OR10G3: variants seen among roughly 807,000 people sequenced by gnomAD.
OR10G3 encodes the protein olfactory receptor 10G3.
In OR10G3, 8 loss-of-function variants were observed where a neutral mutation model predicts 13.4. That is an observed-to-expected ratio of 0.60 (90% confidence interval 0.35 to 1.08). The LOEUF is 1.08. OR10G3 is among the 50% of genes least tolerant of loss of function. The probability of loss-of-function intolerance (pLI) is 0.02; values close to 1 mark genes in which losing one functional copy is unlikely to be tolerated. For synonymous variants in OR10G3, 142 were observed against 156.1 expected (o/e 0.91, Z 0.67); for missense variants, 393 against 386.6 (o/e 1.02, Z -0.14).
chr14:21,579,035 G>A (rs1443234825), intron 1 of OR10G3, among the ~76,000 whole-genome samples: 2 of 152,280 alleles, frequency 1.3e-5, no homozygotes, highest in East Asian at 3.9e-4. Context: ...TCTTATAGGT[G>A]GAAGGGACCT....
intron 1 of OR10G3, among the ~76,000 whole-genome samples, chr14:21,579,018 GA>G (rs1876826439): frequency 6.6e-6 from 1 of 152,184 alleles, no homozygotes; most frequent in Non-Finnish European, 1.5e-5. Flanking sequence ...TTTGGGCAGA[GA>G]ACTTGTCTTA....
chr14:21,577,129 C>A (rs1344214753), intron 1 of OR10G3, among the ~76,000 whole-genome samples: 1 of 152,082 alleles, frequency 6.6e-6, no homozygotes, highest in Non-Finnish European at 1.5e-5. Context: ...CTCTCTGGCT[C>A]ATTAATATCC....
At chr14:21,574,978 G>A (rs1893111474) in intron 1 of OR10G3, 1 of 152,128 alleles carries the variant, frequency 6.6e-6, no homozygotes, top group Non-Finnish European at 1.5e-5. Context: ...CAACTCCTCT[G>A]GGTTTCAATT....
intron 1 of OR10G3, among the ~76,000 whole-genome samples, chr14:21,573,073 G>T (rs1053147568): frequency 6.6e-6 from 1 of 152,164 alleles, no homozygotes; most frequent in African/African-American, 2.4e-5. Context: ...ACCTGAAATT[G>T]TAAAACTACT....
intron 1 of OR10G3, among the ~76,000 whole-genome samples, chr14:21,576,512 T>C (rs1266841173): frequency 1.3e-5 from 2 of 152,236 alleles, no homozygotes; most frequent in African/African-American, 4.8e-5. Context: ...AGTTATCTTT[T>C]TCCCTTGGGC....
intron 1 of OR10G3, among the ~76,000 whole-genome samples, chr14:21,575,595 G>T (rs559557424): frequency 1.3e-5 from 2 of 151,560 alleles, no homozygotes; most frequent in Admixed American, 1.3e-4. Flanking sequence ...TGGCCAAGCT[G>T]GTCTCGAACC....
chr14:21,574,734 G>A (rs928941846), intron 1 of OR10G3: 6 of 152,098 alleles, frequency 3.9e-5, no homozygotes, highest in Non-Finnish European at 8.8e-5. Context: ...GATTGCTTAA[G>A]CCCAGGAGTT....
At chr14:21,571,362 A>G (rs1893067301) in intron 1 of OR10G3, among the ~76,000 whole-genome samples, 1 of 152,232 alleles carries the variant, frequency 6.6e-6, no homozygotes, top group African/African-American at 2.4e-5. Context: ...TCTACTTTCC[A>G]AGTTCTTTAC....
intron 1 of OR10G3, among the ~76,000 whole-genome samples, chr14:21,573,523 T>A (rs1045760235): frequency 6.6e-6 from 1 of 151,270 alleles, no homozygotes; most frequent in African/African-American, 2.4e-5. Flanking sequence ...AATAAAAAAA[T>A]TAGCCCAGTG....
At position 21,570,566 on chromosome 14, in the gene OR10G3, A is replaced by G. The variant is rs1237889512; in HGVS notation, c.179T>C (p.Met60Thr). 2 of 1,614,190 alleles carry G rather than the reference A, an allele frequency of 1.2e-6. No homozygotes were observed. The highest frequency in any genetic ancestry group is 2.7e-5 in the African/African-American group (2 of 75,046). ...TGAGAGAACACCAAGAAAGATGTAC[A>G]TGGGGCGGGCATGGAGCCTTGGGTC... ...WADPRLHARP[M>T]YIFLGVLSVI... The change falls in exon 2 of 2, where the codon ATG (methionine) becomes ACG (threonine). Residue 60 changes from methionine (M) to threonine (T), a missense_variant. By Grantham distance (81) the Met-to-Thr change is moderately conservative. Transcript: ENST00000641040.
intron 1 of OR10G3, among the ~76,000 whole-genome samples, chr14:21,573,676 A>C (rs927198927): frequency 6.6e-6 from 1 of 151,690 alleles, no homozygotes; most frequent in Non-Finnish European, 1.5e-5. Flanking sequence ...TGTCTCAAAA[A>C]AAAAAAAGTA....
At chr14:21,572,556 G>A (rs1400645595) in intron 1 of OR10G3, among the ~76,000 whole-genome samples, 5 of 142,652 alleles carry the variant, frequency 3.5e-5, no homozygotes, top group East Asian at 2.1e-4. Flanking sequence ...GAGATTGCAC[G>A]GCTGTACTCC....
chr14:21,576,757 T>C (rs1893132618), intron 1 of OR10G3, among the ~76,000 whole-genome samples: 1 of 152,198 alleles, frequency 6.6e-6, no homozygotes, highest in African/African-American at 2.4e-5. Context: ...AATTTTCCAT[T>C]GATAGGGAAT....
In OR10G3 at chr14:21,570,018, C is replaced by T. The variant is rs868469080; in HGVS notation, c.727G>A (p.Gly243Arg). The T allele has an allele frequency of 6.2e-7, 1 of 1,614,128 alleles. No individual in the cohort carries two copies. The highest frequency in any genetic ancestry group is 8.5e-7 in the Non-Finnish European group (1 of 1,180,010). The change falls in exon 2 of 2, where the codon GGA becomes AGA. Residue 243 changes from glycine to arginine, a missense_variant. Gly to Arg is a moderately radical substitution (Grantham distance 125). Transcript: ENST00000641040. ...ACGGTGACCACGGTTACATGGGCTC[C>T]ACAAGTTGAAAAAGCCCGGCGCCGC... ...DGRRRAFSTCGAHVTVVTVYY... is the reference protein window; with the variant it reads ...DGRRRAFSTCRAHVTVVTVYY...
At position 21,570,104 on chromosome 14, in the gene OR10G3, A is replaced by G; in HGVS notation, c.641T>C (p.Leu214Pro). 1 of 1,614,220 alleles carries G rather than the reference A, an allele frequency of 6.2e-7. No homozygotes were observed. The highest frequency in any genetic ancestry group is 8.5e-7 in the Non-Finnish European group (1 of 1,180,030). The part of the protein sequence containing the change: ...IGVVVASCFS[L>P]ILLSYIQIIQ... ...GATCTGTATGTAGGAGAGGAGGATC[A>G]GGGAGAAGCAACTGGCAACCACCAC... The change falls in exon 2 of 2, where the codon CTG becomes CCG. Residue 214 changes from leucine to proline, a missense_variant. Coordinates refer to ENST00000641040, the MANE Select transcript of OR10G3 (RefSeq NM_001005465.2).
chr14:21,579,354 C>T (rs1594492710), intron 1 of OR10G3, among the ~76,000 whole-genome samples: 2 of 152,256 alleles, frequency 1.3e-5, no homozygotes, highest in South Asian at 2.1e-4. Flanking sequence ...AAGTGATTCT[C>T]CTGCCTCAGC....
chr14:21,579,255 T>C (rs1327339576), intron 1 of OR10G3, among the ~76,000 whole-genome samples: 1 of 152,214 alleles, frequency 6.6e-6, no homozygotes, highest in Non-Finnish European at 1.5e-5. Context: ...ATTTTAATTT[T>C]TATTTTTGAG....
chr14:21,570,789 C>T (rs1345395019), intron 1 of OR10G3, 28 bp from the exon 2 acceptor site: 2 of 1,314,554 alleles, frequency 1.5e-6, no homozygotes, highest in Non-Finnish European at 2.1e-6. Context: ...CAAGAATTAA[C>T]ATAGAGGTGA....
intron 1 of OR10G3, among the ~76,000 whole-genome samples, chr14:21,572,993 T>A (rs1404059065): frequency 1.3e-5 from 2 of 152,148 alleles, no homozygotes; most frequent in African/African-American, 2.4e-5. Context: ...TGCAAAAGAA[T>A]GAAATTGGAC....
Sources: gnomAD v4.1 joint callset for allele counts (sites outside exome capture counted in the v4.1 genomes callset) on GRCh38, gnomAD v4.1.1 for gene constraint, MANE v1.5 for transcripts, NCBI Gene and HGNC (gene_info 2026-07-23, HGNC 2026-07-21) for gene names.